The following PDE4D variants were observed in gnomAD, a reference collection of about 807,000 sequenced individuals.
PDE4D encodes 3',5'-cyclic-AMP phosphodiesterase 4D.
Under a neutral mutation model 87.4 loss-of-function variants are expected in PDE4D, and 24 were observed. The observed-to-expected ratio is 0.27, with a 90% CI of 0.20 to 0.39. The LOEUF (loss-of-function observed/expected upper bound fraction) is 0.39. Ranked by LOEUF, PDE4D falls within the 10% of genes least tolerant of loss-of-function variation. PDE4D has a pLI of 1.00. For missense variants in PDE4D, 714 were observed against 1,041.0 expected (o/e 0.69, Z 4.32); for synonymous variants, 384 against 383.2 (o/e 1.00, Z -0.02).
chr5:59,581,695 T>C (rs1375778329), intron 1 of PDE4D, among the ~76,000 whole-genome samples: 1 of 152,174 alleles, frequency 6.6e-6, no homozygotes, highest in Non-Finnish European at 1.5e-5. Context: ...TGCTCCTCTA[T>C]CATAGCATAC....
At chr5:59,810,151 A>G (rs1768184027) in intron 1 of PDE4D, among the ~76,000 whole-genome samples, 2 of 152,194 alleles carry the variant, frequency 1.3e-5, no homozygotes, top group African/African-American at 4.8e-5. Context: ...CAGATGGCGC[A>G]CACTTCTCAG....
intron 2 of PDE4D, among the ~76,000 whole-genome samples, chr5:60,045,051 A>G (rs528847546): frequency 2.1e-4 from 32 of 152,180 alleles, no homozygotes; most frequent in African/African-American, 6.5e-4. Context: ...TTTAATGATC[A>G]CCATTCTAAC....
chr5:59,224,122 CAAAAAAAAAAAAAAA>C (rs762239197), intron 1 of PDE4D, among the ~76,000 whole-genome samples: 1 of 21,840 alleles, frequency 4.6e-5, no homozygotes, highest in African/African-American at 1.3e-4. Context: ...CCTGTTTCTA[CAAAAAAAAAAAAAAA>C]AAAAAAAAAA....
At chr5:59,245,841 T>C (rs1758739385) in intron 1 of PDE4D, among the ~76,000 whole-genome samples, 1 of 151,894 alleles carries the variant, frequency 6.6e-6, no homozygotes, top group African/African-American at 2.4e-5. Context: ...CAAAGCACAA[T>C]CCCAGGCACA....
chr5:60,083,898 A>G lies in PDE4D; in HGVS notation c.43-95181T>C, dbSNP rs16890490. On this transcript the variant is annotated intron_variant, in intron 2 of 16. Coordinates refer to the PDE4D transcript ENST00000502484. ...TGGGAGCCAAAGGTTAGACTTTACC[A>G]TTTGTCAAGGTGACAGCTCTTGACC... Among the ~76,000 whole-genome samples, 1,152 of 152,264 alleles carry G rather than the reference A, an allele frequency of 7.6e-3. 13 individuals are homozygous for G. Among genetic ancestry groups the G allele is most frequent in the African/African-American group, 0.026 (1,096 of 41,546 alleles).
intron 3 of PDE4D, among the ~76,000 whole-genome samples, chr5:59,935,856 T>C (rs1289422035): frequency 1.3e-5 from 2 of 152,220 alleles, no homozygotes; most frequent in Non-Finnish European, 2.9e-5. Context: ...CAGTCTATCA[T>C]TGGTGGACAT....
In PDE4D at chr5:59,018,525, C is replaced by A. The variant is rs541934781; in HGVS notation, c.921+20334G>T. ...CAAAATACAGCTCAAGGATTAAGAT[C>A]CTTAACCAAATATGTAAAAAACACG... is the stretch of plus-strand genomic sequence containing the variant. On this transcript the variant is annotated intron_variant, in intron 6 of 14. Transcript: ENST00000340635. Among the ~76,000 whole-genome samples the A allele has an allele frequency of 2.0e-5, 3 of 152,240 alleles. No homozygotes were observed. In the South Asian group the frequency reaches 6.2e-4, roughly 32 times the overall value.
At position 59,165,288 on chromosome 5, in the gene PDE4D, T is replaced by C. The variant is rs183719994; in HGVS notation, c.808+15307A>G. ...CATTTTTCATAAATATCTTTTTTTT[T>C]CCTAAGACAGAGTCTTCCTCTGTTA... On this transcript the variant is annotated intron_variant, in intron 5 of 14. Transcript: ENST00000340635. Among the ~76,000 whole-genome samples the C allele has an allele frequency of 9.1e-4, 138 of 152,324 alleles. 1 individual carries two copies. Among genetic ancestry groups the C allele is most frequent in the Non-Finnish European group, 1.5e-3 (103 of 68,020 alleles).
At chr5:60,080,948 G>T (rs1467086329) in intron 2 of PDE4D, among the ~76,000 whole-genome samples, 1 of 152,200 alleles carries the variant, frequency 6.6e-6, no homozygotes, top group Admixed American at 6.5e-5. Context: ...AGCTTCAGAA[G>T]GAATGGTACC....
At position 59,714,415 on chromosome 5, in the gene PDE4D, C is replaced by T. The variant is rs183632902; in HGVS notation, c.455+178753G>A. On this transcript the variant is annotated intron_variant, in intron 1 of 14. Coordinates refer to ENST00000340635, the MANE Select transcript of PDE4D (RefSeq NM_001104631.2). ...TTTGATTAGGGAACTGGCTGAGGTG[C>T]CTGGCCTGGGGGGACACCAGACAAA... 6.6e-5 allele frequency among the ~76,000 whole-genome samples: 10 copies of T among 152,280 alleles called. No homozygotes were observed. The East Asian group carries it at 1.7e-3, about 27-fold the overall frequency.
intron 2 of PDE4D, among the ~76,000 whole-genome samples, chr5:60,035,789 G>T (rs539814121): frequency 6.6e-6 from 1 of 152,200 alleles, no homozygotes; most frequent in Non-Finnish European, 1.5e-5. Context: ...CTCAATAATT[G>T]GATTGCCAAA....
At chr5:59,518,958 G>C (rs1363344681) in intron 1 of PDE4D, among the ~76,000 whole-genome samples, 1 of 152,184 alleles carries the variant, frequency 6.6e-6, no homozygotes, top group Non-Finnish European at 1.5e-5. Context: ...AAGGCACTAG[G>C]CTACAGGCCG....
intron 1 of PDE4D, among the ~76,000 whole-genome samples, chr5:59,892,388 C>A (rs1751080843): frequency 6.6e-6 from 1 of 152,130 alleles, no homozygotes; most frequent in Non-Finnish European, 1.5e-5. Flanking sequence ...AAACAAGGCG[C>A]TTTCTTCCTG....
intron 1 of PDE4D, among the ~76,000 whole-genome samples, chr5:59,487,509 A>G (rs566583521): frequency 1.4e-4 from 22 of 152,282 alleles, no homozygotes; most frequent in Admixed American, 3.9e-4. Flanking sequence ...CAGCTTCCTC[A>G]TGGGTCAGAC....
chr5:59,868,577 G>A (rs1490975652), intron 1 of PDE4D, among the ~76,000 whole-genome samples: 1 of 152,094 alleles, frequency 6.6e-6, no homozygotes, highest in Non-Finnish European at 1.5e-5. Context: ...CAACTGAATT[G>A]CCATTAGAGA....
At chr5:60,109,609 C>G (rs1777453127) in intron 2 of PDE4D, among the ~76,000 whole-genome samples, 1 of 152,030 alleles carries the variant, frequency 6.6e-6, no homozygotes, top group African/African-American at 2.4e-5. Context: ...TTGGAACCAA[C>G]CCAAATGTCC....
At chr5:60,107,640 C>A (rs973867325) in intron 2 of PDE4D, among the ~76,000 whole-genome samples, 1 of 152,168 alleles carries the variant, frequency 6.6e-6, no homozygotes, top group Non-Finnish European at 1.5e-5. Flanking sequence ...TCCAGCAGCA[C>A]ATCAAAAAGT....
intron 1 of PDE4D, among the ~76,000 whole-genome samples, chr5:59,494,415 T>C (rs1022909784): frequency 2.0e-5 from 3 of 152,208 alleles, no homozygotes; most frequent in African/African-American, 7.2e-5. Flanking sequence ...GTCAGTGTCC[T>C]AATTTGACAT....
intron 1 of PDE4D, among the ~76,000 whole-genome samples, chr5:59,801,705 A>G (rs1357573439): frequency 6.6e-6 from 1 of 152,176 alleles, no homozygotes; most frequent in Admixed American, 6.5e-5. Context: ...TTATTTTATA[A>G]TGGAAAATGT....
Sources: allele counts gnomAD v4.1 joint callset (sites outside exome capture counted in the v4.1 genomes callset), GRCh38; gene constraint gnomAD v4.1.1; transcripts MANE v1.5; gene names NCBI Gene and HGNC (gene_info 2026-07-23, HGNC 2026-07-21).